The following SLC43A2 variants were observed in gnomAD, a reference collection of about 807,000 sequenced individuals.
SLC43A2 encodes large neutral amino acids transporter small subunit 4.
Under a neutral mutation model 63.2 loss-of-function variants are expected in SLC43A2, and 38 were observed. That is an observed-to-expected ratio of 0.60 (90% CI 0.46 to 0.79). The LOEUF is 0.79. Among genes scored for constraint, SLC43A2 ranks in the 30% least tolerant of loss-of-function variants. The probability of loss-of-function intolerance (pLI) is 0.00; values close to 1 mark genes in which losing one functional copy is unlikely to be tolerated. For synonymous variants in SLC43A2, 322 were observed against 331.0 expected (o/e 0.97, Z 0.30); for missense variants, 644 against 756.2 (o/e 0.85, Z 1.74).
intron 2 of SLC43A2, among the ~76,000 whole-genome samples, chr17:1,619,324 A>G (rs143523828): frequency 6.6e-6 from 1 of 152,182 alleles, no homozygotes; most frequent in African/African-American, 2.4e-5. Context: ...AGAACAAAAC[A>G]AAACAAAAAC....
intron 5 of SLC43A2, among the ~76,000 whole-genome samples, chr17:1,608,395 G>GT (rs1055697933): frequency 6.6e-6 from 1 of 151,598 alleles, no homozygotes; most frequent in African/African-American, 2.4e-5. Context: ...TGGTTTGTGT[G>GT]TTTTGTTTTT....
rs2075815460 is a variant in SLC43A2, at chr17:1,569,439, G to C, written c.*6165C>G. 6.6e-6 allele frequency: 1 copy of C among 152,228 alleles called. No individual in the cohort carries two copies. Among genetic ancestry groups the C allele is most frequent in the Non-Finnish European group, 1.5e-5 (1 of 68,064 alleles). 9.4% of individuals were successfully genotyped at this position (152,228 alleles called of 1,614,324 possible). On this transcript the variant is annotated 3_prime_UTR_variant, in exon 14 of 14. Transcript: ENST00000301335. ...CTTCCGAGGGCCTGGGCGGGGTCTT[G>C]GGGCCGCTCCTGCCCAGGTGTTCTT...
intron 2 of SLC43A2, among the ~76,000 whole-genome samples, chr17:1,617,217 T>C (rs1907763222): frequency 6.6e-6 from 1 of 152,190 alleles, no homozygotes; most frequent in African/African-American, 2.4e-5. Flanking sequence ...GGGGACAGAC[T>C]GCAGCCAGTA....
intron 6 of SLC43A2, among the ~76,000 whole-genome samples, chr17:1,592,898 G>A (rs1368246356): frequency 1.3e-5 from 2 of 152,170 alleles, no homozygotes; most frequent in African/African-American, 4.8e-5. Context: ...AGGAGACGGG[G>A]GCAAGACTCA....
At chr17:1,580,971 C>T (rs541260223) in intron 11 of SLC43A2, among the ~76,000 whole-genome samples, 2 of 152,214 alleles carry the variant, frequency 1.3e-5, no homozygotes, top group African/African-American at 4.8e-5. Flanking sequence ...AGTTCTGTCG[C>T]TGTCTGTGGG....
chr17:1,578,530 G>GT lies in SLC43A2; in HGVS notation c.1351-208dup, dbSNP rs1222487851. On this transcript the variant is annotated intron_variant, in intron 11 of 13. Coordinates refer to ENST00000301335, the MANE Select transcript of SLC43A2 (RefSeq NM_152346.3). This position sits in a 1 kb window ranked among gnomAD's most constrained non-coding sequence, Gnocchi z 6.5. ...CATTTTTTGTTTGTTTGTTTGTTTT[G>GT]TTTTTTGTTTTGTTTGAGAAGAAGT... 2.5e-4 allele frequency: 140 copies of GT among 552,960 alleles called. No individual in the cohort carries two copies. The East Asian group carries it at 4.0e-3, about 16-fold the overall frequency. The allele number at this position is 552,960 out of a possible 1,614,324, so 34.3% of individuals were successfully genotyped here.
intron 12 of SLC43A2, among the ~76,000 whole-genome samples, 197 bp from the exon 13 acceptor site, chr17:1,576,917 T>C (rs1324262198): frequency 6.8e-6 from 1 of 147,888 alleles, no homozygotes; most frequent in Non-Finnish European, 1.5e-5. Context: ...TGGGCTGGAG[T>C]GCAATGACAC....
At chr17:1,619,483 G>A (rs757965260) in intron 2 of SLC43A2, among the ~76,000 whole-genome samples, 32 of 152,156 alleles carry the variant, frequency 2.1e-4, no homozygotes, top group African/African-American at 7.0e-4. Context: ...TTCCCACCTC[G>A]GCCACTTTCT....
intron 11 of SLC43A2, among the ~76,000 whole-genome samples, chr17:1,581,853 T>G (rs1039287686): frequency 6.6e-6 from 1 of 151,572 alleles, no homozygotes; most frequent in Non-Finnish European, 1.5e-5. Context: ...TCGCCCAGGC[T>G]GGAGTGCAGT....
At position 1,573,071 on chromosome 17, in the gene SLC43A2, G is replaced by A. The variant is rs2075870151; in HGVS notation, c.*2533C>T. 6.6e-6 allele frequency: 1 copy of A among 151,778 alleles called. No individual in the cohort carries two copies. The highest frequency in any genetic ancestry group is 6.6e-5 in the Admixed American group (1 of 15,230). The allele number at this position is 151,778 out of a possible 1,614,324, so 9.4% of individuals were successfully genotyped here. On this transcript the variant is annotated 3_prime_UTR_variant, in exon 14 of 14. Transcript: ENST00000301335. ...CACACTTATAGTCCCAGATACTTAG[G>A]AGGCCGAGGTGGGAGGATCCCTTGA...
chr17:1,569,857 G>A lies in SLC43A2; in HGVS notation c.*5747C>T, dbSNP rs946367155. The A allele has an allele frequency of 1.9e-4, 29 of 151,652 alleles. No individual in the cohort carries two copies. The highest frequency in any genetic ancestry group is 7.0e-4 in the African/African-American group (29 of 41,268). The allele number at this position is 151,652 out of a possible 1,614,324, so 9.4% of individuals were successfully genotyped here. A position where few individuals can be genotyped will look rare whatever the true frequency, so the allele number is the denominator to read the frequency against. On this transcript the variant is annotated 3_prime_UTR_variant, in exon 14 of 14. Coordinates refer to ENST00000301335, the MANE Select transcript of SLC43A2 (RefSeq NM_152346.3). Reference sequence around the variant, plus strand: ...CTCGGAGAGGGCTTCGGAGAAGGGTGGGGTCAGCAGATACAGACCTTACTT... The same window carrying A: ...CTCGGAGAGGGCTTCGGAGAAGGGTAGGGTCAGCAGATACAGACCTTACTT...
intron 5 of SLC43A2, among the ~76,000 whole-genome samples, chr17:1,597,120 G>T (rs541407781): frequency 1.3e-4 from 20 of 152,190 alleles, no homozygotes; most frequent in African/African-American, 4.6e-4. Flanking sequence ...GGAGGCTGAG[G>T]CAGGAGAATC....
chr17:1,615,906 G>A (rs1336833684), intron 3 of SLC43A2, among the ~76,000 whole-genome samples: 1 of 150,340 alleles, frequency 6.7e-6, no homozygotes, highest in Non-Finnish European at 1.5e-5. Context: ...AGCTGGGTGT[G>A]GTGGCAGGCG....
At chr17:1,613,425 T>C (rs1331054836) in intron 4 of SLC43A2, among the ~76,000 whole-genome samples, 154 bp from the exon 5 acceptor site, 2 of 151,242 alleles carry the variant, frequency 1.3e-5, no homozygotes, top group East Asian at 2.0e-4. Flanking sequence ...GAACTGCCCC[T>C]TTCTCACCCC....
At position 1,604,934 on chromosome 17, in the gene SLC43A2, G is replaced by A. The variant is rs200382001; in HGVS notation, c.501+8261C>T. On this transcript the variant is annotated intron_variant, in intron 5 of 13. Coordinates refer to ENST00000301335, the MANE Select transcript of SLC43A2 (RefSeq NM_152346.3). Reference sequence around the variant, plus strand: ...GCGCATAATGGCTGTTCGAAGCCGCGGTGCCGGAGTGAGGGCTGAGCGCTG... The same window carrying A: ...GCGCATAATGGCTGTTCGAAGCCGCAGTGCCGGAGTGAGGGCTGAGCGCTG... The A allele has an allele frequency of 2.9e-4, 442 of 1,520,102 alleles. 2 individuals carry two copies. In the East Asian group the frequency reaches 4.0e-3, roughly 14 times the overall value. 94.2% of individuals were successfully genotyped at this position (1,520,102 alleles called of 1,614,324 possible). A position where few individuals can be genotyped will look rare whatever the true frequency, so the allele number is the denominator to read the frequency against.
rs979406927 is a variant in SLC43A2 at position 1,613,386 on chromosome 17, C to G, written c.425-115G>C. Reference sequence around the variant, plus strand: ...CCCAGTAAATCCAGTAAACGCAGGCCGGGGTTAGTACCTGACATCTGGGGA... The same window carrying G: ...CCCAGTAAATCCAGTAAACGCAGGCGGGGGTTAGTACCTGACATCTGGGGA... On this transcript the variant is annotated intron_variant, in intron 4 of 13. Coordinates refer to ENST00000301335, the MANE Select transcript of SLC43A2 (RefSeq NM_152346.3). 76 of 842,284 alleles carry G rather than the reference C, an allele frequency of 9.0e-5. 1 individual carries two copies. In the South Asian group the frequency reaches 1.1e-3, roughly 12 times the overall value. 52.2% of individuals were successfully genotyped at this position (842,284 alleles called of 1,614,324 possible).
chr17:1,591,721 GGGT>G, intron 6 of SLC43A2, 22 bp from the exon 7 acceptor site: 1 of 1,169,332 alleles, frequency 8.6e-7, no homozygotes, highest in Non-Finnish European at 1.2e-6. Flanking sequence ...CGCGGGGACG[GGGT>G]GGGGGGGGGA....
intron 5 of SLC43A2, among the ~76,000 whole-genome samples, chr17:1,594,748 C>T (rs971101587): frequency 1.7e-4 from 26 of 151,540 alleles, no homozygotes; most frequent in Non-Finnish European, 2.1e-4. Flanking sequence ...CCACCACACC[C>T]GGCTAATTTT....
chr17:1,628,304 G>C (rs939564), intron 1 of SLC43A2: 21,533 of 157,666 alleles, frequency 0.14, 2,263 homozygotes, highest in East Asian at 0.38. Context: ...AGGTGGGCAG[G>C]GGCAGATCCG....
Sources: gnomAD v4.1 joint callset for allele counts (sites outside exome capture counted in the v4.1 genomes callset) on GRCh38, gnomAD v4.1.1 for gene constraint, Gnocchi (gnomAD v3.1) non-coding constraint, MANE v1.5 for transcripts, NCBI Gene and HGNC (gene_info 2026-07-23, HGNC 2026-07-21) for gene names.